SOX5: variants seen among roughly 807,000 people sequenced by gnomAD.
The protein encoded by SOX5 is SRY-box transcription factor 5.
A neutral mutation model predicts 92.0 loss-of-function variants in SOX5; 9 were observed. The ratio of observed to expected loss-of-function variants is 0.10; its 90% confidence interval spans 0.06 to 0.17. SOX5 has a LOEUF of 0.17. Among genes scored for constraint, SOX5 ranks in the 10% least tolerant of loss-of-function variants. The probability of loss-of-function intolerance (pLI) is 1.00; values close to 1 mark genes in which losing one functional copy is unlikely to be tolerated. For synonymous variants in SOX5, 344 were observed against 336.3 expected (o/e 1.02, Z -0.25); for missense variants, 642 against 944.5 (o/e 0.68, Z 4.20).
intron 1 of SOX5, among the ~76,000 whole-genome samples, chr12:24,415,713 T>C (rs1298008168): frequency 6.6e-6 from 1 of 152,218 alleles, no homozygotes; most frequent in Non-Finnish European, 1.5e-5. Flanking sequence ...ACAGTCTCAA[T>C]CCATCTCTGA....
chr12:24,388,975 C>CT (rs1958697157), intron 1 of SOX5, among the ~76,000 whole-genome samples: 1 of 152,020 alleles, frequency 6.6e-6, no homozygotes, highest in South Asian at 2.1e-4. Context: ...TATTATTATA[C>CT]TTTAAGTTTT....
chr12:24,346,513 G>T (rs1337904765), intron 2 of SOX5, among the ~76,000 whole-genome samples: 1 of 149,830 alleles, frequency 6.7e-6, no homozygotes, highest in Non-Finnish European at 1.5e-5. Flanking sequence ...GTGCAGTGGC[G>T]TGATATCAGC....
chr12:24,151,821 C>T lies in SOX5; in HGVS notation c.-2+61522G>A, dbSNP rs150417948. Among the ~76,000 whole-genome samples, 312 of 152,006 alleles carry T rather than the reference C, an allele frequency of 2.1e-3. 4 individuals carry two copies. The highest frequency in any genetic ancestry group is 7.3e-3 in the African/African-American group (305 of 41,498). ...AAACCTGTGGATAGACAACGTCTCT[C>T]TCTCTTGAAAGTGAGTTCATAGAAT... is the stretch of plus-strand genomic sequence containing the variant. On this transcript the variant is annotated intron_variant, in intron 4 of 4. Coordinates refer to the SOX5 transcript ENST00000446891.
At chr12:23,552,774 A>G (rs779842711) in intron 11 of SOX5, among the ~76,000 whole-genome samples, 4 of 151,946 alleles carry the variant, frequency 2.6e-5, no homozygotes, top group Non-Finnish European at 2.9e-5. Flanking sequence ...AGAGATTTTC[A>G]AGTGGTGGAC....
intron 3 of SOX5, among the ~76,000 whole-genome samples, chr12:23,814,891 C>G (rs2095957223): frequency 6.6e-6 from 1 of 152,088 alleles, no homozygotes; most frequent in African/African-American, 2.4e-5. Flanking sequence ...AGTTTTTATG[C>G]TGATCAACTT....
At chr12:23,708,019 A>C (rs2091623086) in intron 6 of SOX5, among the ~76,000 whole-genome samples, 1 of 152,138 alleles carries the variant, frequency 6.6e-6, no homozygotes, top group Non-Finnish European at 1.5e-5. Flanking sequence ...GAAAACAAAA[A>C]AATAAATACT....
intron 7 of SOX5, among the ~76,000 whole-genome samples, chr12:23,643,624 T>C (rs2080422604): frequency 6.6e-6 from 1 of 152,154 alleles, no homozygotes; most frequent in African/African-American, 2.4e-5. Context: ...GGCAGATAGG[T>C]AACTAGCAGA....
In SOX5 at chr12:24,185,937, A is replaced by C. The variant is rs1955972193; in HGVS notation, c.-2+27406T>G. Among the ~76,000 whole-genome samples, 4 of 152,188 alleles carry C rather than the reference A, an allele frequency of 2.6e-5. No homozygotes were observed. In the South Asian group the frequency reaches 8.3e-4, roughly 31 times the overall value. On this transcript the variant is annotated intron_variant, in intron 4 of 4. Coordinates refer to the SOX5 transcript ENST00000446891. ...TATAGGAGATGAACTCTGGCTTCAT[A>C]CCTAAGACTATCAGAGTCCAAAGAC...
chr12:24,439,870 G>A (rs1263671018), intron 1 of SOX5, among the ~76,000 whole-genome samples: 1 of 152,004 alleles, frequency 6.6e-6, no homozygotes, highest in Non-Finnish European at 1.5e-5. Flanking sequence ...ACTCCAGCCT[G>A]GGCACCAGAG....
intron 6 of SOX5, among the ~76,000 whole-genome samples, chr12:23,721,661 A>G (rs940844138): frequency 1.3e-5 from 2 of 152,212 alleles, no homozygotes; most frequent in African/African-American, 4.8e-5. Context: ...ATCTTTGAGT[A>G]TACCCCAGTT....
upstream of SOX5, among the ~76,000 whole-genome samples, chr12:23,952,944 C>A (rs1470030038): frequency 6.6e-6 from 1 of 152,048 alleles, no homozygotes; most frequent in East Asian, 1.9e-4. Context: ...ACTGATCCTC[C>A]AGAATTTATA....
At chr12:23,643,315 G>T (rs2080368700) in intron 7 of SOX5, among the ~76,000 whole-genome samples, 1 of 152,174 alleles carries the variant, frequency 6.6e-6, no homozygotes, top group Admixed American at 6.5e-5. Context: ...CAGATTAGAA[G>T]CAAGACTGCC....
intron 2 of SOX5, among the ~76,000 whole-genome samples, chr12:23,858,069 A>ATGTG (rs10553341): frequency 2.7e-5 from 4 of 150,536 alleles, no homozygotes; most frequent in Admixed American, 6.6e-5. Flanking sequence ...ATATGCCTGT[A>ATGTG]TGTGTGTGTG....
At chr12:23,593,116 TA>T (rs938139896) in intron 9 of SOX5, among the ~76,000 whole-genome samples, 3 of 151,896 alleles carry the variant, frequency 2.0e-5, no homozygotes, top group African/African-American at 4.8e-5. Context: ...ACTGTTTCCT[TA>T]AAAAAAATAG....
intron 6 of SOX5, among the ~76,000 whole-genome samples, chr12:23,683,658 A>G (rs576612101): frequency 6.6e-6 from 1 of 152,136 alleles, no homozygotes; most frequent in South Asian, 2.1e-4. Flanking sequence ...AAAAAACTCA[A>G]CGTTTCAATT....
intron 4 of SOX5, among the ~76,000 whole-genome samples, chr12:24,047,233 G>A (rs1261742271): frequency 6.6e-6 from 1 of 152,158 alleles, no homozygotes; most frequent in Non-Finnish European, 1.5e-5. Flanking sequence ...GAATTGAGAG[G>A]CAGGGAGAAA....
chr12:24,229,274 C>T (rs1242904665), intron 3 of SOX5, among the ~76,000 whole-genome samples: 2 of 152,198 alleles, frequency 1.3e-5, no homozygotes, highest in African/African-American at 2.4e-5. Context: ...ATGTGGCGGG[C>T]CATTTACTGC....
At chr12:24,370,014 C>T (rs1016045305) in intron 1 of SOX5, among the ~76,000 whole-genome samples, 20 of 152,224 alleles carry the variant, frequency 1.3e-4, no homozygotes, top group African/African-American at 4.3e-4. Flanking sequence ...CTTCCCTATT[C>T]CCAATAATAG....
intron 3 of SOX5, among the ~76,000 whole-genome samples, chr12:23,820,303 C>A (rs1396789942): frequency 6.6e-6 from 1 of 152,004 alleles, no homozygotes; most frequent in Non-Finnish European, 1.5e-5. Context: ...GTTTAAGTTC[C>A]TTGTAGATTC....
Sources: gnomAD v4.1 joint callset for allele counts (sites outside exome capture counted in the v4.1 genomes callset) on GRCh38, gnomAD v4.1.1 for gene constraint, MANE v1.5 for transcripts, NCBI Gene and HGNC (gene_info 2026-07-23, HGNC 2026-07-21) for gene names.